PHF20: variants seen among roughly 807,000 people sequenced by gnomAD.
The protein encoded by PHF20 is glioma-expressed antigen 2.
In PHF20, 23 loss-of-function variants were observed where a neutral mutation model predicts 113.5. The ratio of observed to expected loss-of-function variants is 0.20; its 90% CI spans 0.15 to 0.29. PHF20 has a LOEUF of 0.29. Ranked by LOEUF, PHF20 falls within the 10% of genes least tolerant of loss-of-function variation. PHF20 has a pLI of 1.00. For synonymous variants in PHF20, 434 were observed against 457.3 expected, an observed-to-expected ratio of 0.95 and a Z score of 0.65; for missense variants, 943 against 1,219.6, an observed-to-expected ratio of 0.77 and a Z score of 3.38.
chr20:35,931,967 T>C (rs2055764524), intron 15 of PHF20, among the ~76,000 whole-genome samples: 1 of 151,840 alleles, frequency 6.6e-6, no homozygotes, highest in Non-Finnish European at 1.5e-5. Flanking sequence ...AAAAAAGAGT[T>C]CATTGAATTT....
intron 9 of PHF20, among the ~76,000 whole-genome samples, chr20:35,874,844 G>A (rs955340304): frequency 1.3e-5 from 2 of 151,858 alleles, no homozygotes; most frequent in African/African-American, 4.8e-5. Flanking sequence ...TCAGCACTCT[G>A]GGAGGTTGAG....
intron 2 of PHF20, among the ~76,000 whole-genome samples, chr20:35,827,666 C>T (rs988496692): frequency 6.6e-6 from 1 of 151,690 alleles, no homozygotes; most frequent in Non-Finnish European, 1.5e-5. Flanking sequence ...TGCCTGTAGT[C>T]CAGCTACTCG....
intron 5 of PHF20, among the ~76,000 whole-genome samples, chr20:35,861,635 A>G (rs550808729): frequency 5.9e-5 from 9 of 152,098 alleles, no homozygotes; most frequent in Non-Finnish European, 1.2e-4. Flanking sequence ...ATTTCTAGGA[A>G]TTTATTCTAG....
chr20:35,928,167 A>G (rs1218551409), intron 14 of PHF20, among the ~76,000 whole-genome samples: 3 of 152,180 alleles, frequency 2.0e-5, no homozygotes, highest in Non-Finnish European at 4.4e-5. Flanking sequence ...GGCCGGGCGC[A>G]GTGGCTCACG....
chr20:35,917,447 C>A, intron 12 of PHF20, 37 bp from the exon 13 acceptor site: 2 of 1,551,034 alleles, frequency 1.3e-6, no homozygotes, highest in Non-Finnish European at 1.8e-6. Context: ...AATTTTATAA[C>A]CTAAAATAGT....
At chr20:35,896,586 G>A (rs1199646426) in intron 9 of PHF20, among the ~76,000 whole-genome samples, 8 of 151,698 alleles carry the variant, frequency 5.3e-5, no homozygotes, top group African/African-American at 1.2e-4. Flanking sequence ...TGAGGCAGGC[G>A]GATCACTTGA....
intron 2 of PHF20, among the ~76,000 whole-genome samples, chr20:35,818,773 G>A (rs977100373): frequency 2.6e-5 from 4 of 152,128 alleles, no homozygotes; most frequent in Non-Finnish European, 5.9e-5. Flanking sequence ...CAGGGCTCAA[G>A]TGATCTTCCT....
intron 9 of PHF20, among the ~76,000 whole-genome samples, chr20:35,894,751 G>C (rs2147046757): frequency 6.6e-6 from 1 of 152,258 alleles, no homozygotes; most frequent in African/African-American, 2.4e-5. Context: ...GGTGTAGGTG[G>C]AAGAACTCGG....
intron 6 of PHF20, among the ~76,000 whole-genome samples, 192 bp from the exon 7 acceptor site, chr20:35,869,246 C>T (rs2054374002): frequency 6.6e-6 from 1 of 152,098 alleles, no homozygotes; most frequent in South Asian, 2.1e-4. Context: ...ATCACCATCT[C>T]CTGTAAGGAA....
At chr20:35,839,972 A>G (rs1420747259) in intron 2 of PHF20, among the ~76,000 whole-genome samples, 1 of 152,240 alleles carries the variant, frequency 6.6e-6, no homozygotes, top group Non-Finnish European at 1.5e-5. Context: ...AAGTACTGCA[A>G]TAAGTTAATG....
At chr20:35,835,854 C>T (rs1454574530) in intron 2 of PHF20, among the ~76,000 whole-genome samples, 3 of 151,826 alleles carry the variant, frequency 2.0e-5, no homozygotes, top group Admixed American at 1.3e-4. Flanking sequence ...CACTTGAACC[C>T]GGGAGGCAGA....
At chr20:35,778,061 T>C (rs1006671914) in intron 1 of PHF20, among the ~76,000 whole-genome samples, 1 of 152,140 alleles carries the variant, frequency 6.6e-6, no homozygotes, top group Admixed American at 6.6e-5. Context: ...ACATTTTTCT[T>C]GATAAAGTCT....
chr20:35,947,532 C>T lies in PHF20; in HGVS notation c.2944C>T (p.Pro982Ser), dbSNP rs1333938732. The change falls in exon 18 of 18, where the codon CCG becomes TCG. Residue 982 changes from proline to serine, a missense_variant. Pro to Ser is a moderately conservative substitution (Grantham distance 74). Around this residue, in one of 3 missense-constraint regions of PHF20, gnomAD observed 349 missense variants for 412.3 expected, o/e 0.85. Coordinates refer to ENST00000374012, the MANE Select transcript of PHF20 (RefSeq NM_016436.5). ...DYTGELEPPE[P>S]LARLPQLKHC... Reference sequence around the variant, plus strand: ...CACTGGGGAACTGGAGCCCCCTGAGCCGCTGGCCAGGCTTCCGCAGCTCAA... The same window carrying T: ...CACTGGGGAACTGGAGCCCCCTGAGTCGCTGGCCAGGCTTCCGCAGCTCAA... The T allele has an allele frequency of 1.9e-6, 3 of 1,613,978 alleles. No homozygotes were observed. In the African/African-American group the frequency reaches 4.0e-5, roughly 22 times the overall value.
At chr20:35,786,039 AAAAAAAC>A (rs2041403835) in intron 1 of PHF20, among the ~76,000 whole-genome samples, 1 of 150,744 alleles carries the variant, frequency 6.6e-6, no homozygotes, top group Non-Finnish European at 1.5e-5. Flanking sequence ...CTCAAAAAAA[AAAAAAAC>A]AAAAAAAAAA....
At chr20:35,850,055 A>G (rs2042691783) in intron 4 of PHF20, among the ~76,000 whole-genome samples, 1 of 152,196 alleles carries the variant, frequency 6.6e-6, no homozygotes, top group Admixed American at 6.6e-5. Flanking sequence ...GCACTCGGAA[A>G]ATAGGGCATA....
At chr20:35,920,932 G>A (rs1337839543) in intron 13 of PHF20, among the ~76,000 whole-genome samples, 1 of 152,160 alleles carries the variant, frequency 6.6e-6, no homozygotes. Flanking sequence ...ACCCCAAAAT[G>A]TGTAACAGGT....
intron 2 of PHF20, among the ~76,000 whole-genome samples, chr20:35,827,179 G>A (rs868041809): frequency 1.2e-4 from 18 of 152,036 alleles, no homozygotes; most frequent in African/African-American, 4.1e-4. Flanking sequence ...TTGGCTCACC[G>A]CAACCTCTGC....
chr20:35,856,063 CT>C (rs1167253366), intron 4 of PHF20, among the ~76,000 whole-genome samples: 1 of 152,110 alleles, frequency 6.6e-6, no homozygotes, highest in East Asian at 1.9e-4. Flanking sequence ...TTCTTTCTAA[CT>C]TTTTTGTACC....
chr20:35,803,823 G>T (rs2041830608), intron 2 of PHF20, among the ~76,000 whole-genome samples: 1 of 150,872 alleles, frequency 6.6e-6, no homozygotes, highest in Non-Finnish European at 1.5e-5. Context: ...TATTCAATAT[G>T]TTTTTGTGAT....
Sources: allele counts gnomAD v4.1 joint callset (sites outside exome capture counted in the v4.1 genomes callset), GRCh38; gene constraint gnomAD v4.1.1; regional missense constraint gnomAD v4.1.1; transcripts MANE v1.5; gene names NCBI Gene and HGNC (gene_info 2026-07-23, HGNC 2026-07-21).